The following C8orf34 variants were observed in gnomAD, a reference collection of about 807,000 sequenced individuals.
C8orf34 encodes the protein chromosome 8 open reading frame 34.
C8orf34 carries 65 observed loss-of-function variants against 68.3 expected under a neutral mutation model. The observed-to-expected ratio is 0.95, with a 90% CI of 0.78 to 1.17. The LOEUF (loss-of-function observed/expected upper bound fraction) is 1.17, where lower values mean the gene tolerates loss of function less well. Among genes scored for constraint, C8orf34 ranks in the 50% most tolerant of loss-of-function variants. The pLI is 0.00. For synonymous variants in C8orf34, 244 were observed against 241.2 expected, an observed-to-expected ratio of 1.01 and a Z score of -0.11; for missense variants, 664 against 655.4, an observed-to-expected ratio of 1.01 and a Z score of -0.14.
chr8:68,638,468 T>C (rs1164722750), intron 7 of C8orf34, among the ~76,000 whole-genome samples: 1 of 152,150 alleles, frequency 6.6e-6, no homozygotes, highest in East Asian at 1.9e-4. Context: ...AGAACATTTC[T>C]TTTAGCTTCT....
At chr8:68,689,690 T>C (rs1422564463) in intron 8 of C8orf34, among the ~76,000 whole-genome samples, 1 of 152,002 alleles carries the variant, frequency 6.6e-6, no homozygotes, top group Non-Finnish European at 1.5e-5. Flanking sequence ...GCAATAAATA[T>C]ATGAAAGAGA....
chr8:68,497,542 A>C (rs888016024), intron 5 of C8orf34, among the ~76,000 whole-genome samples: 1 of 152,216 alleles, frequency 6.6e-6, no homozygotes, highest in African/African-American at 2.4e-5. Context: ...GCAAAAATAC[A>C]AAAAGACCTA....
intron 7 of C8orf34, chr8:68,533,556 A>T: frequency 1.0e-6 from 1 of 986,132 alleles, no homozygotes; most frequent in African/African-American, 1.7e-5. Flanking sequence ...TTTTATTTTG[A>T]GGATGCTTTA....
intron 3 of C8orf34, 54 bp downstream of exon 3, chr8:68,446,514 A>T (rs773633524): frequency 1.3e-6 from 2 of 1,539,654 alleles, no homozygotes; most frequent in African/African-American, 2.8e-5. Flanking sequence ...TTATGTTGTT[A>T]AGAAAATGAA....
At chr8:68,416,124 T>G (rs991328275) in intron 1 of C8orf34, among the ~76,000 whole-genome samples, 1 of 152,204 alleles carries the variant, frequency 6.6e-6, no homozygotes, top group Admixed American at 6.5e-5. Context: ...GAAGGTGGTG[T>G]TTTATAGACT....
chr8:68,613,504 C>T (rs202215900), intron 7 of C8orf34, among the ~76,000 whole-genome samples: 2 of 142,808 alleles, frequency 1.4e-5, no homozygotes, highest in Admixed American at 7.5e-5. Flanking sequence ...GTGTTCTCAT[C>T]GTTCAATTCC....
intron 1 of C8orf34, among the ~76,000 whole-genome samples, chr8:68,414,048 T>G (rs961275951): frequency 6.6e-6 from 1 of 152,204 alleles, no homozygotes; most frequent in African/African-American, 2.4e-5. Context: ...TGGACTATTC[T>G]CTCTGTCTGG....
intron 3 of C8orf34, among the ~76,000 whole-genome samples, chr8:68,466,722 AATAAACAACGTTGTACATAT>A (rs1276941216): frequency 8.2e-6 from 1 of 122,614 alleles, no homozygotes; most frequent in African/African-American, 3.7e-5. Flanking sequence ...TTTCTGTGAA[AATAAACAACGTTGTACATAT>A]ATATATATAT....
chr8:68,402,629 T>G (rs1257851300), intron 1 of C8orf34, among the ~76,000 whole-genome samples: 1 of 152,186 alleles, frequency 6.6e-6, no homozygotes, highest in Non-Finnish European at 1.5e-5. Context: ...TTTCAAAATT[T>G]TAAACATTTG....
At chr8:68,469,183 G>A (rs1045422388) in intron 4 of C8orf34, among the ~76,000 whole-genome samples, 1 of 151,918 alleles carries the variant, frequency 6.6e-6, no homozygotes, top group African/African-American at 2.4e-5. Context: ...TTGCCTCTGT[G>A]AGTTTTTGAT....
chr8:68,381,751 A>AAAG (rs1397465765), intron 1 of C8orf34, among the ~76,000 whole-genome samples: 1 of 150,562 alleles, frequency 6.6e-6, no homozygotes, highest in Non-Finnish European at 1.5e-5. Flanking sequence ...AAAAAAAAAA[A>AAAG]AAAAAAAAAA....
chr8:68,664,646 A>C (rs1003201295), intron 8 of C8orf34, among the ~76,000 whole-genome samples: 1 of 152,158 alleles, frequency 6.6e-6, no homozygotes, highest in Admixed American at 6.5e-5. Context: ...ACCCCATTGA[A>C]CACTGAGGAA....
intron 1 of C8orf34, among the ~76,000 whole-genome samples, chr8:68,384,656 A>G (rs1351394748): frequency 6.6e-6 from 1 of 152,200 alleles, no homozygotes; most frequent in Non-Finnish European, 1.5e-5. Flanking sequence ...TCTCAGATTA[A>G]TCAGGCTAAA....
intron 5 of C8orf34, among the ~76,000 whole-genome samples, chr8:68,508,491 G>A (rs764882205): frequency 2.4e-4 from 36 of 152,068 alleles, no homozygotes; most frequent in Non-Finnish European, 4.4e-4. Flanking sequence ...CCATAGCTAC[G>A]TACTAATTTA....
chr8:68,388,817 A>G (rs189217740), intron 1 of C8orf34, among the ~76,000 whole-genome samples: 1 of 152,146 alleles, frequency 6.6e-6, no homozygotes, highest in Non-Finnish European at 1.5e-5. Context: ...AATTTGGTAG[A>G]TGTAAAGTGG....
intron 1 of C8orf34, among the ~76,000 whole-genome samples, chr8:68,371,654 C>G (rs1376679924): frequency 1.3e-5 from 2 of 150,316 alleles, no homozygotes; most frequent in Non-Finnish European, 2.9e-5. Context: ...GGCTAGAGTG[C>G]AATGGCATGA....
chr8:68,342,438 T>C (rs1015617208), intron 1 of C8orf34, among the ~76,000 whole-genome samples: 3 of 152,152 alleles, frequency 2.0e-5, no homozygotes, highest in African/African-American at 2.4e-5. Flanking sequence ...AAAGCACACA[T>C]CTAACAAATG....
At chr8:68,336,176 T>C (rs1332498003) in intron 1 of C8orf34, among the ~76,000 whole-genome samples, 1 of 151,490 alleles carries the variant, frequency 6.6e-6, no homozygotes, top group East Asian at 1.9e-4. Context: ...AAAAATAACA[T>C]AGGCTTTCCT....
rs140325808 is a variant in C8orf34 at position 68,797,819 on chromosome 8, G to A, written c.1549+10283G>A. 5.1e-4 allele frequency among the ~76,000 whole-genome samples: 78 copies of A among 152,278 alleles called. 1 individual carries two copies. Among genetic ancestry groups the A allele is most frequent in the African/African-American group, 1.8e-3 (74 of 41,564 alleles). ...AGTGTCAGGGCTTCATGAGGATTGT[G>A]GCATCAGAAATAGGCACTAGAGATT... On this transcript the variant is annotated intron_variant, in intron 12 of 13. Transcript: ENST00000518698.
Sources: allele counts gnomAD v4.1 joint callset (sites outside exome capture counted in the v4.1 genomes callset), GRCh38; gene constraint gnomAD v4.1.1; transcripts MANE v1.5; gene names NCBI Gene and HGNC (gene_info 2026-07-23, HGNC 2026-07-21).